Variants in DPP10 observed in about 807,000 individuals in gnomAD.
The protein encoded by DPP10 is inactive dipeptidyl peptidase 10.
Under a neutral mutation model 120.9 loss-of-function variants are expected in DPP10, and 33 were observed. The observed-to-expected ratio is 0.27, with a 90% CI of 0.21 to 0.37. The LOEUF (loss-of-function observed/expected upper bound fraction) is 0.37, where lower values mean the gene tolerates loss of function less well. DPP10 is among the 10% of genes least tolerant of loss of function. The pLI, the probability that DPP10 is intolerant of heterozygous loss-of-function variation, is 1.00. For synonymous variants in DPP10, 337 were observed against 326.1 expected (o/e 1.03, Z -0.36); for missense variants, 816 against 942.8 (o/e 0.87, Z 1.76).
chr2:115,021,182 C>T (rs1384612029), intron 1 of DPP10, among the ~76,000 whole-genome samples: 11 of 151,556 alleles, frequency 7.3e-5, no homozygotes, highest in Admixed American at 2.6e-4. Flanking sequence ...AGCAGAGCTA[C>T]GAAATTGAAA....
At chr2:114,560,824 G>A (rs1311407315) in intron 1 of DPP10, among the ~76,000 whole-genome samples, 1 of 152,238 alleles carries the variant, frequency 6.6e-6, no homozygotes, top group African/African-American at 2.4e-5. Context: ...ATAAATAAAT[G>A]GGTTCTATAA....
intron 5 of DPP10, among the ~76,000 whole-genome samples, chr2:115,685,014 C>A (rs140663967): frequency 4.0e-5 from 6 of 151,880 alleles, no homozygotes; most frequent in South Asian, 2.1e-4. Context: ...AAGATTAAAT[C>A]GCAAAGTGGA....
At chr2:115,001,378 G>T (rs1701428412) in intron 1 of DPP10, among the ~76,000 whole-genome samples, 1 of 152,090 alleles carries the variant, frequency 6.6e-6, no homozygotes, top group South Asian at 2.1e-4. Context: ...CAATAAACTA[G>T]GAATTGAAGG....
Position 115,777,300 on chromosome 2 carries a change from G to T in DPP10, c.1313+1G>T. On this transcript the variant is annotated splice_donor_variant, in intron 14 of 25. Coordinates refer to ENST00000410059, the MANE Select transcript of DPP10 (RefSeq NM_020868.6). LOFTEE classifies it high-confidence loss of function. ...CATACGATGAAACTACTCAAAAAATGTGAGTGTTTTCAGTTCTCTAGTCAG... is the reference window on the plus strand; with the variant it reads ...CATACGATGAAACTACTCAAAAAATTTGAGTGTTTTCAGTTCTCTAGTCAG... 1 of 1,611,118 alleles carries T rather than the reference G, an allele frequency of 6.2e-7. No homozygotes were observed. The highest frequency in any genetic ancestry group is 8.5e-7 in the Non-Finnish European group (1 of 1,177,678).
At chr2:115,611,637 G>A (rs763588409) in intron 5 of DPP10, among the ~76,000 whole-genome samples, 3 of 152,132 alleles carry the variant, frequency 2.0e-5, no homozygotes, top group Non-Finnish European at 4.4e-5. Flanking sequence ...AGAAGAGAAT[G>A]TTATAGAATT....
chr2:114,789,890 T>C (rs1311317763), intron 1 of DPP10, among the ~76,000 whole-genome samples: 1 of 152,198 alleles, frequency 6.6e-6, no homozygotes, highest in East Asian at 1.9e-4. Flanking sequence ...CATTCAGAAA[T>C]GTTAAATTAA....
chr2:114,876,193 C>A (rs550202734), intron 1 of DPP10, among the ~76,000 whole-genome samples: 2 of 152,116 alleles, frequency 1.3e-5, no homozygotes, highest in East Asian at 3.9e-4. Context: ...TATAACGATC[C>A]TCTAAGATAT....
chr2:114,964,565 T>C (rs563212502), intron 1 of DPP10, among the ~76,000 whole-genome samples: 1 of 152,074 alleles, frequency 6.6e-6, no homozygotes, highest in Non-Finnish European at 1.5e-5. Context: ...TGCAGATTTC[T>C]AGGAGAAGAC....
At chr2:115,467,406 A>C (rs982779218) in intron 3 of DPP10, among the ~76,000 whole-genome samples, 1 of 151,900 alleles carries the variant, frequency 6.6e-6, no homozygotes, top group African/African-American at 2.4e-5. Context: ...GTGAAACCCC[A>C]TCTCTACTAA....
At chr2:115,025,576 C>G (rs1193816285) in intron 1 of DPP10, among the ~76,000 whole-genome samples, 1 of 152,030 alleles carries the variant, frequency 6.6e-6, no homozygotes, top group African/African-American at 2.4e-5. Context: ...AAGAAACTCC[C>G]TGCTGTTTTC....
chr2:115,364,865 C>CT (rs1218272048), intron 3 of DPP10, among the ~76,000 whole-genome samples: 1 of 152,002 alleles, frequency 6.6e-6, no homozygotes, highest in Middle Eastern at 3.2e-3. Context: ...TGAAGGTATA[C>CT]TAAAAAGTTT....
chr2:114,585,678 C>T (rs11688293), intron 1 of DPP10, among the ~76,000 whole-genome samples: 14,890 of 152,098 alleles, frequency 0.098, 796 homozygotes, highest in East Asian at 0.22. Flanking sequence ...AGTGGACATC[C>T]GATGGACAGT....
intron 1 of DPP10, among the ~76,000 whole-genome samples, chr2:115,132,215 G>T (rs1378940547): frequency 1.3e-5 from 2 of 152,174 alleles, no homozygotes; most frequent in Non-Finnish European, 2.9e-5. Flanking sequence ...TTAAGATTGG[G>T]GGTGTTGTGA....
At chr2:115,781,999 G>T (rs1248654040) in intron 16 of DPP10, among the ~76,000 whole-genome samples, 1 of 151,994 alleles carries the variant, frequency 6.6e-6, no homozygotes, top group African/African-American at 2.4e-5. Context: ...ATCAGTGGAT[G>T]AGGGGTGAAA....
chr2:114,948,159 G>A (rs976223203), intron 1 of DPP10, among the ~76,000 whole-genome samples: 2 of 151,634 alleles, frequency 1.3e-5, no homozygotes, highest in Admixed American at 1.3e-4. Flanking sequence ...TGCATTCTGG[G>A]AGCGTGCTTT....
At chr2:114,499,863 C>T (rs1683008405) in intron 1 of DPP10, among the ~76,000 whole-genome samples, 1 of 152,246 alleles carries the variant, frequency 6.6e-6, no homozygotes, top group Non-Finnish European at 1.5e-5. Context: ...TGAGGCCCAA[C>T]ATGAACCAAT....
intron 4 of DPP10, among the ~76,000 whole-genome samples, chr2:115,520,455 T>A (rs1011600174): frequency 6.6e-5 from 10 of 152,174 alleles, no homozygotes; most frequent in Non-Finnish European, 1.3e-4. Context: ...TCACTATCTG[T>A]TAAAAATGTA....
chr2:115,660,607 C>A (rs976883252), intron 5 of DPP10, among the ~76,000 whole-genome samples: 1 of 135,528 alleles, frequency 7.4e-6, no homozygotes, highest in Non-Finnish European at 1.6e-5. Flanking sequence ...TATCTTAGAC[C>A]CCATTATAAT....
rs748891458 is a variant in DPP10, at chr2:114,663,640, GATATATATATATAT to G, written c.60+220818_60+220831del. ...ATATATGTCTATATATACATGTACA[GATATATATATATAT>G]ATATATATATATATAGAGAGAGAGA... On this transcript the variant is annotated intron_variant, in intron 1 of 25. Transcript: ENST00000410059. Among the ~76,000 whole-genome samples, 11 of 107,914 alleles carry G rather than the reference GATATATATATATAT, an allele frequency of 1.0e-4. No homozygotes were observed. The Admixed American group carries it at 1.1e-3, about 10-fold the overall frequency. 70.8% of individuals were successfully genotyped at this position (107,914 alleles called of 152,430 possible). A position where few individuals can be genotyped will look rare whatever the true frequency, so the allele number is the denominator to read the frequency against.
Sources: allele counts gnomAD v4.1 joint callset (sites outside exome capture counted in the v4.1 genomes callset), GRCh38; gene constraint gnomAD v4.1.1; transcripts MANE v1.5; gene names NCBI Gene and HGNC (gene_info 2026-07-23, HGNC 2026-07-21).